Variants in ST6GALNAC3 observed in about 807,000 individuals in gnomAD.
The protein encoded by ST6GALNAC3 is ST6 N-acetylgalactosaminide alpha-2,6-sialyltransferase 3, also known as alpha-N-acetylgalactosaminide alpha-2,6-sialyltransferase 3.
ST6GALNAC3 carries 25 observed loss-of-function variants against 32.7 expected under a neutral mutation model. That is an observed-to-expected ratio of 0.76 (90% CI 0.56 to 1.07). ST6GALNAC3 has a LOEUF of 1.07. Among genes scored for constraint, ST6GALNAC3 ranks in the 50% least tolerant of loss-of-function variants. The probability of loss-of-function intolerance (pLI) is 0.00; values close to 1 mark genes in which losing one functional copy is unlikely to be tolerated. For missense variants in ST6GALNAC3, 355 were observed against 382.4 expected (o/e 0.93, Z 0.60); for synonymous variants, 129 against 133.1 (o/e 0.97, Z 0.21).
At chr1:76,086,194 G>A (rs1433566008) in intron 1 of ST6GALNAC3, among the ~76,000 whole-genome samples, 1 of 152,106 alleles carries the variant, frequency 6.6e-6, no homozygotes, top group Non-Finnish European at 1.5e-5. Context: ...GAGAATTAGG[G>A]GTGCAGGAAA....
At chr1:76,483,157 C>T (rs958978501) in intron 3 of ST6GALNAC3, among the ~76,000 whole-genome samples, 1 of 152,124 alleles carries the variant, frequency 6.6e-6, no homozygotes, top group African/African-American at 2.4e-5. Flanking sequence ...CAAGTCTTTG[C>T]TGTTGTGAAT....
intron 1 of ST6GALNAC3, among the ~76,000 whole-genome samples, chr1:76,096,517 G>T (rs552142732): frequency 7.2e-5 from 11 of 151,794 alleles, no homozygotes; most frequent in Admixed American, 1.3e-4. Context: ...AGTCCTTCAC[G>T]CTGTAAAGCC....
Position 76,134,363 on chromosome 1 carries a change from G to A in ST6GALNAC3, c.18+59479G>A, listed in dbSNP as rs528162070. ...CCATATAAATTGTTGACTGAATTGA[G>A]AATGAGTAAATGCCCTTCACCTTTT... On this transcript the variant is annotated intron_variant, in intron 1 of 4. Transcript: ENST00000328299. Among the ~76,000 whole-genome samples, 11 of 152,322 alleles carry A rather than the reference G, an allele frequency of 7.2e-5. No individual in the cohort carries two copies. The South Asian group carries it at 8.3e-4, about 11-fold the overall frequency.
chr1:76,124,593 C>T (rs77403062), intron 1 of ST6GALNAC3, among the ~76,000 whole-genome samples: 3,897 of 152,268 alleles, frequency 0.026, 120 homozygotes, highest in Admixed American at 0.072. Context: ...CTGCTCTACT[C>T]TTCAGCAACA....
At chr1:76,461,219 G>T (rs1183708179) in intron 3 of ST6GALNAC3, among the ~76,000 whole-genome samples, 4 of 152,084 alleles carry the variant, frequency 2.6e-5, no homozygotes, top group African/African-American at 7.2e-5. Flanking sequence ...ATCCTTCACA[G>T]AATCCTCTAA....
chr1:76,092,435 A>T, intron 1 of ST6GALNAC3, among the ~76,000 whole-genome samples: 1 of 152,184 alleles, frequency 6.6e-6, no homozygotes, highest in East Asian at 1.9e-4. Context: ...AAAAATAATA[A>T]TGGCAAAAGA....
intron 3 of ST6GALNAC3, among the ~76,000 whole-genome samples, chr1:76,537,706 A>G (rs116260540): frequency 6.6e-6 from 1 of 152,204 alleles, no homozygotes; most frequent in Non-Finnish European, 1.5e-5. Flanking sequence ...ATCCCACAGA[A>G]ATGCAAACTA....
At chr1:76,559,317 C>T (rs1462137050) in intron 3 of ST6GALNAC3, among the ~76,000 whole-genome samples, 1 of 152,172 alleles carries the variant, frequency 6.6e-6, no homozygotes, top group Non-Finnish European at 1.5e-5. Context: ...GACAACTGCA[C>T]ATGCAAATGC....
intron 1 of ST6GALNAC3, among the ~76,000 whole-genome samples, chr1:76,130,291 G>T (rs559874652): frequency 6.6e-6 from 1 of 152,222 alleles, no homozygotes; most frequent in African/African-American, 2.4e-5. Flanking sequence ...ATGTAGCAAG[G>T]TGTGTGGGGT....
chr1:76,403,127 C>T (rs1450190234), intron 2 of ST6GALNAC3, among the ~76,000 whole-genome samples: 2 of 152,010 alleles, frequency 1.3e-5, no homozygotes, highest in African/African-American at 4.8e-5. Context: ...AGGAATCCCA[C>T]ATGAAAATTA....
chr1:76,200,209 T>C (rs912078303), intron 1 of ST6GALNAC3, among the ~76,000 whole-genome samples: 22 of 152,306 alleles, frequency 1.4e-4, no homozygotes, highest in Middle Eastern at 3.4e-3. Flanking sequence ...TCTGAGACTT[T>C]GTAATTGGCT....
intron 1 of ST6GALNAC3, among the ~76,000 whole-genome samples, chr1:76,248,341 T>A (rs147267831): frequency 6.6e-6 from 1 of 152,304 alleles, no homozygotes; most frequent in Non-Finnish European, 1.5e-5. Context: ...CTACTTTTCT[T>A]CTCCTTTACA....
chr1:76,302,065 G>C (rs914033676), intron 1 of ST6GALNAC3, among the ~76,000 whole-genome samples: 8 of 151,914 alleles, frequency 5.3e-5, no homozygotes, highest in Admixed American at 1.3e-4. Context: ...GGTGGTGGTG[G>C]TGGTGACCAC....
chr1:76,495,578 C>T (rs1660801973), intron 3 of ST6GALNAC3, among the ~76,000 whole-genome samples: 1 of 152,110 alleles, frequency 6.6e-6, no homozygotes, highest in Non-Finnish European at 1.5e-5. Flanking sequence ...TTGTAGAATT[C>T]AGGCCCCTTT....
At chr1:76,347,478 G>A (rs944973617) in intron 2 of ST6GALNAC3, among the ~76,000 whole-genome samples, 14 of 151,332 alleles carry the variant, frequency 9.3e-5, no homozygotes, top group African/African-American at 2.9e-4. Context: ...ATCCCCCTAT[G>A]TATTTGTATG....
chr1:76,366,403 T>C (rs1339155428), intron 2 of ST6GALNAC3, among the ~76,000 whole-genome samples: 1 of 152,170 alleles, frequency 6.6e-6, no homozygotes, highest in Non-Finnish European at 1.5e-5. Context: ...GTGCAAAAAA[T>C]GTGCCTAGTC....
chr1:76,387,612 C>T (rs1329696185), intron 2 of ST6GALNAC3, among the ~76,000 whole-genome samples: 1 of 151,966 alleles, frequency 6.6e-6, no homozygotes, highest in East Asian at 1.9e-4. Flanking sequence ...CCCAAATTTA[C>T]TTGCTTTTGA....
intron 3 of ST6GALNAC3, among the ~76,000 whole-genome samples, chr1:76,450,635 A>T (rs938481369): frequency 3.3e-5 from 5 of 152,188 alleles, no homozygotes; most frequent in African/African-American, 1.2e-4. Context: ...GCCTAAGCCA[A>T]TGTCTAGAAG....
At chr1:76,478,545 A>C (rs550635177) in intron 3 of ST6GALNAC3, among the ~76,000 whole-genome samples, 6 of 152,248 alleles carry the variant, frequency 3.9e-5, no homozygotes, top group Non-Finnish European at 8.8e-5. Context: ...CACTGAAGTC[A>C]AGTTCCTTGT....
Sources: allele counts gnomAD v4.1 joint callset (sites outside exome capture counted in the v4.1 genomes callset), GRCh38; gene constraint gnomAD v4.1.1; transcripts MANE v1.5; gene names NCBI Gene and HGNC (gene_info 2026-07-23, HGNC 2026-07-21).